FUBP3: variants seen among roughly 807,000 people sequenced by gnomAD.
The protein encoded by FUBP3 is far upstream element binding protein 3.
In FUBP3, 28 loss-of-function variants were observed where a neutral mutation model predicts 85.6. That is an observed-to-expected ratio of 0.33 (90% CI 0.24 to 0.45). The LOEUF (loss-of-function observed/expected upper bound fraction) is 0.45. Among genes scored for constraint, FUBP3 ranks in the 20% least tolerant of loss-of-function variants. The pLI is 1.00. For missense variants in FUBP3, 583 were observed against 755.1 expected, an observed-to-expected ratio of 0.77 and a Z score of 2.67; for synonymous variants, 271 against 271.4, an observed-to-expected ratio of 1.00 and a Z score of 0.01.
intron 3 of FUBP3, 88 bp downstream of exon 3, chr9:130,610,075 A>T: frequency 9.2e-7 from 1 of 1,085,992 alleles, no homozygotes; most frequent in South Asian, 1.3e-5. Context: ...AGAAAGTCAG[A>T]GGTTGAGAAT....
chr9:130,582,930 C>T (rs1171450111), intron 1 of FUBP3, among the ~76,000 whole-genome samples: 1 of 152,188 alleles, frequency 6.6e-6, no homozygotes, highest in Non-Finnish European at 1.5e-5. Context: ...CTCCGAGAAA[C>T]TACTAATACT....
At position 130,579,629 on chromosome 9, in the gene FUBP3, AGCGGCGGCGTCGGCGGCGTCGGCG is replaced by A. The variant is rs941316994; in HGVS notation, c.-42_-19del. 24 of 1,120,962 alleles carry A rather than the reference AGCGGCGGCGTCGGCGGCGTCGGCG, an allele frequency of 2.1e-5. No homozygotes were observed. Among genetic ancestry groups the A allele is most frequent in the Admixed American group, 8.6e-5 (2 of 23,246 alleles). The allele number at this position is 1,120,962 out of a possible 1,614,324, so 69.4% of individuals were successfully genotyped here. ...AGCGGGAGGCCGGACCGGGGAGCCG[AGCGGCGGCGTCGGCGGCGTCGGCG>A]GCGGCGGCGACGGCGGCGGGGGCGG... is the stretch of plus-strand genomic sequence containing the variant. On this transcript the variant is annotated 5_prime_UTR_variant, in exon 1 of 19. Transcript: ENST00000319725.
At chr9:130,602,988 T>C (rs1462564302) in intron 2 of FUBP3, among the ~76,000 whole-genome samples, 2 of 151,944 alleles carry the variant, frequency 1.3e-5, no homozygotes, top group Non-Finnish European at 2.9e-5. Flanking sequence ...CCCCAAGCAG[T>C]GGGGCCAGGC....
In FUBP3 at chr9:130,631,945, C is replaced by T. The variant is rs772453815; in HGVS notation, c.1356C>T (p.Thr452=). ...TGTTTCTTTTACCTTTTCCCAGTAC[C>T]TTTCCTCCAAGGAGCTCCGGGTGCT... ...SQPPAPPHQN[T]FPPRSSGCFP... is the part of the protein sequence containing the mutation. Residue 452 remains threonine, a synonymous_variant, in exon 15 of 19, where the codon ACC becomes ACT. Transcript: ENST00000319725. The T allele has an allele frequency of 4.3e-6, 7 of 1,610,168 alleles. No homozygotes were observed. In the African/African-American group the frequency reaches 5.3e-5, roughly 12 times the overall value.
intron 16 of FUBP3, among the ~76,000 whole-genome samples, chr9:130,633,568 T>C (rs1830299975): frequency 6.6e-6 from 1 of 152,194 alleles, no homozygotes; most frequent in African/African-American, 2.4e-5. Context: ...TTGCCGCCAT[T>C]GGGCAGCCTT....
chr9:130,603,929 A>T (rs1478046788), intron 2 of FUBP3, among the ~76,000 whole-genome samples: 1 of 152,220 alleles, frequency 6.6e-6, no homozygotes, highest in Non-Finnish European at 1.5e-5. Flanking sequence ...AAATGTTCAC[A>T]CAAGAGCCTG....
chr9:130,592,776 T>C (rs1265896267), intron 1 of FUBP3, among the ~76,000 whole-genome samples: 1 of 152,158 alleles, frequency 6.6e-6, no homozygotes, highest in African/African-American at 2.4e-5. Context: ...ACTCCTGGCC[T>C]CAAGCAGTCA....
At chr9:130,620,266 A>G in intron 8 of FUBP3, 88 bp from the exon 9 acceptor site, 1 of 749,934 alleles carries the variant, frequency 1.3e-6, no homozygotes, top group South Asian at 1.8e-5. Flanking sequence ...AACCCAAGTT[A>G]AGAGGGTTTG....
intron 1 of FUBP3, among the ~76,000 whole-genome samples, chr9:130,590,023 T>A (rs1367268196): frequency 5.5e-5 from 1 of 18,204 alleles, no homozygotes; most frequent in Non-Finnish European, 1.0e-4. Flanking sequence ...CCTATTTAAT[T>A]TTTTTTTTTT....
chr9:130,604,181 C>T (rs927321161), intron 2 of FUBP3, among the ~76,000 whole-genome samples: 4 of 152,070 alleles, frequency 2.6e-5, no homozygotes, highest in Non-Finnish European at 5.9e-5. Context: ...CTTTTGGGAA[C>T]GGAGAACAGA....
chr9:130,616,486 G>A lies in FUBP3; in HGVS notation c.536G>A (p.Gly179Asp). ...GCATCTAAAGTGGGTCTGGTCATCG[G>A]CAGAGGAGGGGAAACAATCAAGCAG... ...IPASKVGLVI[G>D]RGGETIKQLQ... The change falls in exon 7 of 19, where the codon GGC becomes GAC. Residue 179 changes from glycine to aspartate, a missense_variant. By Grantham distance (94) the Gly-to-Asp change is moderately conservative. Coordinates refer to ENST00000319725, the MANE Select transcript of FUBP3 (RefSeq NM_003934.2). The surrounding 1 kb of genome is among the most constrained non-coding windows in gnomAD (Gnocchi z 4.7). 6.2e-7 allele frequency: 1 copy of A among 1,614,092 alleles called. No homozygotes were observed. Among genetic ancestry groups the A allele is most frequent in the Non-Finnish European group, 8.5e-7 (1 of 1,179,978 alleles).
At chr9:130,607,246 A>G (rs1831505995) in intron 2 of FUBP3, among the ~76,000 whole-genome samples, 2 of 151,328 alleles carry the variant, frequency 1.3e-5, no homozygotes, top group Admixed American at 6.6e-5. Context: ...TGCTGGGATT[A>G]CAGGCATGAG....
intron 2 of FUBP3, among the ~76,000 whole-genome samples, chr9:130,599,485 C>G (rs1831043943): frequency 6.6e-6 from 1 of 151,636 alleles, no homozygotes; most frequent in Admixed American, 6.6e-5. Flanking sequence ...AGTTGTGTTT[C>G]AGAGAGTGGC....
chr9:130,617,296 G>A (rs536969116), intron 7 of FUBP3, among the ~76,000 whole-genome samples: 4 of 152,172 alleles, frequency 2.6e-5, no homozygotes, highest in Admixed American at 2.0e-4. Context: ...CTTCCCTTGC[G>A]TGCCATCTCA....
intron 1 of FUBP3, among the ~76,000 whole-genome samples, chr9:130,594,723 C>T (rs1018445371): frequency 2.6e-5 from 4 of 152,184 alleles, no homozygotes; most frequent in Non-Finnish European, 5.9e-5. Flanking sequence ...CACATCACTG[C>T]ACTCCAGCCT....
At chr9:130,633,025 C>T (rs766008534) in intron 16 of FUBP3, among the ~76,000 whole-genome samples, 8 of 152,260 alleles carry the variant, frequency 5.3e-5, no homozygotes, top group Non-Finnish European at 1.0e-4. Flanking sequence ...AGGCCGCAGG[C>T]CCCGCCTCAC....
intron 11 of FUBP3, 127 bp from the exon 12 acceptor site, chr9:130,626,237 G>A: frequency 1.1e-6 from 1 of 947,366 alleles, no homozygotes; most frequent in Non-Finnish European, 1.6e-6. Flanking sequence ...TGGGAAGTGT[G>A]GAAAGGTGCT....
At position 130,603,944 on chromosome 9, in the gene FUBP3, C is replaced by T. The variant is rs1389657147; in HGVS notation, c.191-6010C>T. Among the ~76,000 whole-genome samples the T allele has an allele frequency of 6.6e-5, 10 of 152,318 alleles. No individual in the cohort carries two copies. In the East Asian group the frequency reaches 1.5e-3, roughly 23 times the overall value. On this transcript the variant is annotated intron_variant, in intron 2 of 18. Coordinates refer to ENST00000319725, the MANE Select transcript of FUBP3 (RefSeq NM_003934.2). ...AAATGTTCACACAAGAGCCTGTTCA[C>T]ATAGCAGCTTTATTCATAATAGTCC... is the stretch of plus-strand genomic sequence containing the variant.
At chr9:130,604,385 C>CT (rs1160231015) in intron 2 of FUBP3, among the ~76,000 whole-genome samples, 3 of 152,196 alleles carry the variant, frequency 2.0e-5, no homozygotes, top group Admixed American at 6.5e-5. Flanking sequence ...ACCTGGGTCT[C>CT]TGTCTCATGT....
Sources: gnomAD v4.1 joint callset for allele counts (sites outside exome capture counted in the v4.1 genomes callset) on GRCh38, gnomAD v4.1.1 for gene constraint, Gnocchi (gnomAD v3.1) non-coding constraint, MANE v1.5 for transcripts, NCBI Gene and HGNC (gene_info 2026-07-23, HGNC 2026-07-21) for gene names.